Variants in NELFA observed in about 807,000 individuals in gnomAD.
NELFA encodes the protein negative elongation factor A.
Under a neutral mutation model 51.8 loss-of-function variants are expected in NELFA, and 35 were observed. The ratio of observed to expected loss-of-function variants is 0.68; its 90% CI spans 0.52 to 0.90. NELFA has a LOEUF of 0.90. NELFA is among the 40% of genes least tolerant of loss of function. The pLI, the probability that NELFA is intolerant of heterozygous loss-of-function variation, is 0.00. For missense variants in NELFA, 658 were observed against 746.4 expected, an observed-to-expected ratio of 0.88 and a Z score of 1.38; for synonymous variants, 417 against 338.4, an observed-to-expected ratio of 1.23 and a Z score of -2.55.
intron 1 of NELFA, among the ~76,000 whole-genome samples, chr4:1,998,196 C>G (rs1051338802): frequency 3.3e-5 from 5 of 151,974 alleles, no homozygotes; most frequent in Admixed American, 2.0e-4. Context: ...AAAGAATCAA[C>G]GAAAAAATGC....
intron 1 of NELFA, among the ~76,000 whole-genome samples, chr4:2,007,777 C>T (rs1410370044): frequency 1.3e-5 from 2 of 152,112 alleles, no homozygotes; most frequent in African/African-American, 4.8e-5. Flanking sequence ...TTAAACTGAA[C>T]AAAAATGCAC....
At position 1,984,046 on chromosome 4, in the gene NELFA, C is replaced by T. The variant is rs762043976; in HGVS notation, c.1104G>A (p.Ala368=). 1.2e-5 allele frequency: 20 copies of T among 1,604,764 alleles called. No individual in the cohort carries two copies. Among genetic ancestry groups the T allele is most frequent in the African/African-American group, 1.1e-4 (8 of 74,872 alleles). The change falls in exon 9 of 11, where the codon GCG becomes GCA. Residue 368 remains alanine, a synonymous_variant. Transcript: ENST00000382882. ...ACATGGGCGCCCGCTGCTTGAACTGCGCTGGCAACGTGGGGCTCGGGGCGC... is the reference window on the plus strand; with the variant it reads ...ACATGGGCGCCCGCTGCTTGAACTGTGCTGGCAACGTGGGGCTCGGGGCGC... ...EPSAPSPTLP[A]QFKQRAPMYN...
intron 7 of NELFA, 61 bp from the exon 8 acceptor site, chr4:1,984,980 CAT>C: frequency 7.9e-7 from 1 of 1,258,154 alleles, no homozygotes; most frequent in Non-Finnish European, 1.1e-6. Context: ...TGTGCTAACA[CAT>C]GGCCCGACCC....
chr4:2,002,739 G>T (rs933312796), intron 1 of NELFA, among the ~76,000 whole-genome samples: 1 of 152,178 alleles, frequency 6.6e-6, no homozygotes, highest in African/African-American at 2.4e-5. Context: ...AACTCAAGAT[G>T]CATTAAAAAC....
chr4:1,991,772 C>G (rs1388169140), intron 1 of NELFA, 57 bp from the exon 2 acceptor site: 2 of 1,515,876 alleles, frequency 1.3e-6, no homozygotes, highest in Non-Finnish European at 1.8e-6. Flanking sequence ...CAAGCCCACT[C>G]CCTGCTGAGC....
At chr4:2,005,694 A>AAAACAAAC (rs541078213) in intron 1 of NELFA, among the ~76,000 whole-genome samples, 1 of 152,108 alleles carries the variant, frequency 6.6e-6, no homozygotes, top group Non-Finnish European at 1.5e-5. Flanking sequence ...CTCCGTCTAA[A>AAAACAAAC]AAACAAACAA....
intron 1 of NELFA, chr4:2,003,778 C>T (rs1728636478): frequency 6.6e-6 from 1 of 150,958 alleles, no homozygotes; most frequent in Non-Finnish European, 1.5e-5. Flanking sequence ...TCAATAGGTG[C>T]AGCAAACCAT....
intron 8 of NELFA, among the ~76,000 whole-genome samples, chr4:1,984,428 G>A (rs1000287725): frequency 1.4e-4 from 22 of 152,160 alleles, no homozygotes; most frequent in African/African-American, 4.1e-4. Flanking sequence ...TTGGGCCCAG[G>A]ACCTGGCCTG....
chr4:2,008,956 C>G lies in NELFA; in HGVS notation c.4G>C (p.Ala2Pro). The change falls in exon 1 of 11, where the codon GCG (alanine) becomes CCG (proline). Residue 2 changes from alanine to proline, a missense_variant. By Grantham distance (27) the Ala-to-Pro change is conservative (BLOSUM62 -1). This residue lies in a region of NELFA where 371 missense variants were observed against 448.3 expected (regional missense o/e 0.83). Transcript: ENST00000382882. Reference sequence around the variant, plus strand: ...CCCGTGTCGCTCTCCCGCATGGACGCCATCTTGGGGGAAAGCGCGCGCCGC... The same window carrying G: ...CCCGTGTCGCTCTCCCGCATGGACGGCATCTTGGGGGAAAGCGCGCGCCGC... MASMRESDTGLW... is the reference protein window; with the variant it reads MPSMRESDTGLW... The G allele has an allele frequency of 6.4e-7, 1 of 1,558,032 alleles. No homozygotes were observed. The highest frequency in any genetic ancestry group is 8.7e-7 in the Non-Finnish European group (1 of 1,150,704).
At chr4:2,001,030 C>G (rs1728554860) in intron 1 of NELFA, among the ~76,000 whole-genome samples, 1 of 152,138 alleles carries the variant, frequency 6.6e-6, no homozygotes, top group African/African-American at 2.4e-5. Flanking sequence ...TAAACAGAAC[C>G]AAAGACAAAA....
At chr4:1,996,867 G>C (rs957871170) in intron 1 of NELFA, among the ~76,000 whole-genome samples, 1 of 152,210 alleles carries the variant, frequency 6.6e-6, no homozygotes, top group Non-Finnish European at 1.5e-5. Context: ...GGAAGGTGGA[G>C]GTTGCAGTGA....
intron 1 of NELFA, among the ~76,000 whole-genome samples, chr4:1,993,460 T>C (rs1331283524): frequency 1.3e-5 from 2 of 151,712 alleles, no homozygotes; most frequent in Non-Finnish European, 2.9e-5. Context: ...ATTCCTGTAA[T>C]CCCAGCTACT....
At chr4:1,988,353 G>T (rs1297063848) in intron 3 of NELFA, among the ~76,000 whole-genome samples, 1 of 152,270 alleles carries the variant, frequency 6.6e-6, no homozygotes, top group Non-Finnish European at 1.5e-5. Context: ...CCTCGCTGAG[G>T]GTCAGCAGGC....
rs1239693383 is a variant in NELFA at position 1,983,657 on chromosome 4, C to T, written c.1341G>A (p.Thr447=). ...TCTCGGGCCGCGTGACTTTGTTGGCCGTCTTGAACATCTCCTGGGCAGCGA... is the reference window on the plus strand; with the variant it reads ...TCTCGGGCCGCGTGACTTTGTTGGCTGTCTTGAACATCTCCTGGGCAGCGA... ...QMFAAQEMFK[T]ANKVTRPEKA... Residue 447 remains threonine, a synonymous_variant, in exon 10 of 11, where the codon ACG becomes ACA. Transcript: ENST00000382882. 8 of 1,614,070 alleles carry T rather than the reference C, an allele frequency of 5.0e-6. No homozygotes were observed. The highest frequency in any genetic ancestry group is 3.3e-4 in the Middle Eastern group (2 of 6,062).
At position 1,991,459 on chromosome 4, in the gene NELFA, A is replaced by C. The variant is rs1728266091; in HGVS notation, c.382+85T>G. ...GACACACGGAAAAACGTAAAGGTCT[A>C]AAAATCAAATTCATTTCAGAAAAAA... On this transcript the variant is annotated intron_variant, in intron 2 of 10. Coordinates refer to ENST00000382882, the MANE Select transcript of NELFA (RefSeq NM_005663.5). 2.8e-6 allele frequency: 4 copies of C among 1,447,294 alleles called. No homozygotes were observed. The Admixed American group carries it at 5.3e-5, about 19-fold the overall frequency. The allele number at this position is 1,447,294 out of a possible 1,614,324, so 89.7% of individuals were successfully genotyped here.
chr4:1,989,688 T>C lies in NELFA; in HGVS notation c.544+20A>G, dbSNP rs1389913745. ...TGGAAACTACAAAGACAATGCCCGA[T>C]GGCGGCCGCGGCCACTCACACTTCT... On this transcript the variant is annotated intron_variant, in intron 3 of 10. Transcript: ENST00000382882. The surrounding 1 kb of genome is among the most constrained non-coding windows in gnomAD (Gnocchi z 4.8). 1.9e-6 allele frequency: 3 copies of C among 1,610,074 alleles called. No homozygotes were observed. Among genetic ancestry groups the C allele is most frequent in the Non-Finnish European group, 2.5e-6 (3 of 1,178,222 alleles).
intron 1 of NELFA, among the ~76,000 whole-genome samples, chr4:1,995,655 A>G (rs1728401962): frequency 6.6e-6 from 1 of 152,248 alleles, no homozygotes; most frequent in African/African-American, 2.4e-5. Context: ...TGGTACATTT[A>G]TATTAATGTT....
rs549023359 is a variant in NELFA at position 2,005,722 on chromosome 4, A to C, written c.210+3028T>G. Among the ~76,000 whole-genome samples the C allele has an allele frequency of 1.4e-4, 21 of 152,222 alleles. No homozygotes were observed. The East Asian group carries it at 3.9e-3, about 28-fold the overall frequency. Reference sequence around the variant, plus strand: ...ACAAACAAACAAACAAACAAACAAAAACAAAAATCAACGCATTTCTATATA... The same window carrying C: ...ACAAACAAACAAACAAACAAACAAACACAAAAATCAACGCATTTCTATATA... On this transcript the variant is annotated intron_variant, in intron 1 of 10. Coordinates refer to ENST00000382882, the MANE Select transcript of NELFA (RefSeq NM_005663.5).
At chr4:1,985,954 G>T in intron 6 of NELFA, 90 bp from the exon 7 acceptor site, 1 of 1,359,860 alleles carries the variant, frequency 7.4e-7, no homozygotes, top group Middle Eastern at 1.9e-4. Flanking sequence ...AGCTTCCCAG[G>T]GGAGGCCACC....
Sources: gnomAD v4.1 joint callset for allele counts (sites outside exome capture counted in the v4.1 genomes callset) on GRCh38, gnomAD v4.1.1 for gene constraint, gnomAD v4.1.1 regional missense constraint, Gnocchi (gnomAD v3.1) non-coding constraint, MANE v1.5 for transcripts, NCBI Gene and HGNC (gene_info 2026-07-23, HGNC 2026-07-21) for gene names.